EIF5A: variants seen among roughly 807,000 people sequenced by gnomAD.
The protein encoded by EIF5A is eukaryotic translation initiation factor 5A-1.
Under a neutral mutation model 16.6 loss-of-function variants are expected in EIF5A, and 1 was observed. That is an observed-to-expected ratio of 0.06 (90% confidence interval 0.02 to 0.28). The LOEUF is 0.28. EIF5A is among the 10% of genes least tolerant of loss of function. The pLI is 1.00. For synonymous variants in EIF5A, 80 were observed against 73.6 expected (o/e 1.09, Z -0.44); for missense variants, 29 against 196.1 (o/e 0.15, Z 5.09).
chr17:7,310,528 CCT>C, intron 2 of EIF5A: 2 of 1,131,432 alleles, frequency 1.8e-6, no homozygotes, highest in Non-Finnish European at 2.2e-6. Flanking sequence ...TGTCTGGATC[CCT>C]CTCTGTGCTC....
At chr17:7,309,367 T>G (rs1252111291) in intron 1 of EIF5A, among the ~76,000 whole-genome samples, 3 of 152,188 alleles carry the variant, frequency 2.0e-5, no homozygotes, top group Admixed American at 6.5e-5. Context: ...CCTAGAGCCT[T>G]CCTTTCCCAA....
upstream of EIF5A, chr17:7,307,578 C>T: frequency 1.2e-5 from 12 of 1,004,990 alleles, no homozygotes; most frequent in Middle Eastern, 5.0e-4. Flanking sequence ...AGCACGCTTG[C>T]GCGGCTGTCA....
upstream of EIF5A, chr17:7,307,273 GC>G: frequency 8.5e-7 from 1 of 1,177,486 alleles, no homozygotes; most frequent in Admixed American, 3.0e-5. Context: ...GAACACGCAT[GC>G]GTTCTGAGAC....
At chr17:7,311,297 T>A (rs935889438) in intron 3 of EIF5A, 53 bp from the exon 4 acceptor site, 6 of 1,613,348 alleles carry the variant, frequency 3.7e-6, no homozygotes, top group Non-Finnish European at 5.1e-6. Flanking sequence ...TTTACTGTCA[T>A]GTCAGCCTCC....
At chr17:7,310,118 CA>C in intron 2 of EIF5A, 3 of 1,341,454 alleles carry the variant, frequency 2.2e-6, no homozygotes, top group Non-Finnish European at 2.9e-6. Context: ...TCTTGGTTTT[CA>C]CTTTTTCTTT....
In EIF5A at chr17:7,307,631, C is replaced by T; in HGVS notation, c.-143C>T. ...TCAGTGGGGAGTCGGCGCCTGCGTA[C>T]TAAGACCCGTGTGCAGCAGCGGCGG... is the stretch of plus-strand genomic sequence containing the variant. On this transcript the variant is annotated 5_prime_UTR_variant, in exon 1 of 6. Transcript: ENST00000336458. 9.6e-7 allele frequency: 1 copy of T among 1,037,690 alleles called. No individual in the cohort carries two copies. The highest frequency in any genetic ancestry group is 1.2e-6 in the Non-Finnish European group (1 of 863,450). The allele number at this position is 1,037,690 out of a possible 1,614,324, so 64.3% of individuals were successfully genotyped here.
At chr17:7,310,430 ATTCG>A in intron 2 of EIF5A, 2 of 1,177,976 alleles carry the variant, frequency 1.7e-6, no homozygotes, top group Non-Finnish European at 2.1e-6. Flanking sequence ...TTTCAACCTG[ATTCG>A]TTCTTGTTGA....
chr17:7,307,645 C>T lies in EIF5A; in HGVS notation c.-129C>T, dbSNP rs2072662638. The T allele has an allele frequency of 5.7e-6, 6 of 1,050,144 alleles. No homozygotes were observed. The highest frequency in any genetic ancestry group is 6.9e-6 in the Non-Finnish European group (6 of 872,088). 65.1% of individuals were successfully genotyped at this position (1,050,144 alleles called of 1,614,324 possible). On this transcript the variant is annotated 5_prime_UTR_variant, in exon 1 of 6. Coordinates refer to ENST00000336458, the MANE Select transcript of EIF5A (RefSeq NM_001970.5). ...GCGCCTGCGTACTAAGACCCGTGTG[C>T]AGCAGCGGCGGCGGCGGTAGAGGCG...
chr17:7,311,512 C>G (rs1282661126), intron 4 of EIF5A, 31 bp downstream of exon 4: 1 of 1,614,052 alleles, frequency 6.2e-7, no homozygotes, highest in South Asian at 1.1e-5. Flanking sequence ...CTTCTGTGCT[C>G]AGCTTTGTTC....
At chr17:7,310,551 CTTA>C (rs1434189740) in intron 2 of EIF5A, 22 of 1,089,308 alleles carry the variant, frequency 2.0e-5, no homozygotes, top group Non-Finnish European at 2.5e-5. Flanking sequence ...TTCTGGCTTC[CTTA>C]TTTTCTAGCT....
At chr17:7,308,746 C>A (rs2072717208) in intron 1 of EIF5A, among the ~76,000 whole-genome samples, 1 of 152,184 alleles carries the variant, frequency 6.6e-6, no homozygotes, top group Non-Finnish European at 1.5e-5. Flanking sequence ...CCTGTTGTAA[C>A]TGGTTTGGGA....
chr17:7,312,397 T>G lies in EIF5A; in HGVS notation c.*587T>G, dbSNP rs1011279229. On this transcript the variant is annotated 3_prime_UTR_variant, in exon 6 of 6. Transcript: ENST00000336458. ...ATGGGCTTTACCCTTCCCTGCGGGC[T>G]CTCTCCCCGACACATTTGTTAAAAT... 6 of 233,900 alleles carry G rather than the reference T, an allele frequency of 2.6e-5. No individual in the cohort carries two copies. Among genetic ancestry groups the G allele is most frequent in the South Asian group, 1.7e-4 (3 of 17,982 alleles). 14.5% of individuals were successfully genotyped at this position (233,900 alleles called of 1,614,324 possible).
intron 2 of EIF5A, 106 bp downstream of exon 2, chr17:7,309,906 ACTGT>A (rs751683581): frequency 8.1e-6 from 13 of 1,609,270 alleles, no homozygotes; most frequent in Non-Finnish European, 1.1e-5. Flanking sequence ...CTCTGCTTTT[ACTGT>A]CTGATTGTTT....
In EIF5A at chr17:7,311,572, C is replaced by T. The variant is rs949116036; in HGVS notation, c.403-6C>T. 12 of 1,614,080 alleles carry T rather than the reference C, an allele frequency of 7.4e-6. No homozygotes were observed. The highest frequency in any genetic ancestry group is 9.3e-6 in the Non-Finnish European group (11 of 1,180,058). Reference sequence around the variant, plus strand: ...CATCTCTTGGCTATCCCTCTTGCTTCTCCAGATCACGGTGCTGTCTGCCAT... The same window carrying T: ...CATCTCTTGGCTATCCCTCTTGCTTTTCCAGATCACGGTGCTGTCTGCCAT... On this transcript the variant is annotated splice_region_variant and splice_polypyrimidine_tract_variant and intron_variant, in intron 4 of 5. Transcript: ENST00000336458.
chr17:7,310,417 GA>G, intron 2 of EIF5A: 6 of 1,181,948 alleles, frequency 5.1e-6, no homozygotes, highest in Non-Finnish European at 6.4e-6. Flanking sequence ...TGTCTCTTTA[GA>G]ATTTCAACCT....
chr17:7,310,310 C>T, intron 2 of EIF5A: 1 of 1,277,594 alleles, frequency 7.8e-7, no homozygotes, highest in Non-Finnish European at 1.0e-6. Flanking sequence ...CTGCCCCTAC[C>T]TGCCCCATCC....
chr17:7,307,090 C>T (rs1290096664), upstream of EIF5A: 4 of 1,602,432 alleles, frequency 2.5e-6, no homozygotes, highest in African/African-American at 2.7e-5. Context: ...AGGCGCCCAC[C>T]CCACAGAGCA....
chr17:7,310,072 C>A, intron 2 of EIF5A: 1 of 1,441,306 alleles, frequency 6.9e-7, no homozygotes, highest in Non-Finnish European at 9.2e-7. Context: ...ATTCATAGGC[C>A]TTTATGCTCT....
At chr17:7,309,273 G>T (rs1406459029) in intron 1 of EIF5A, among the ~76,000 whole-genome samples, 2 of 151,858 alleles carry the variant, frequency 1.3e-5, no homozygotes, top group Admixed American at 6.6e-5. Context: ...GGGGTGGTTG[G>T]TTTCAGTGGC....
Sources: allele counts gnomAD v4.1 joint callset (sites outside exome capture counted in the v4.1 genomes callset), GRCh38; gene constraint gnomAD v4.1.1; transcripts MANE v1.5; gene names NCBI Gene and HGNC (gene_info 2026-07-23, HGNC 2026-07-21).